The following MAGI2 variants were observed in gnomAD, a reference collection of about 807,000 sequenced individuals.
The protein encoded by MAGI2 is membrane associated guanylate kinase, WW and PDZ domain containing 2, also known as membrane-associated guanylate kinase, WW and PDZ domain-containing protein 2.
In MAGI2, 35 loss-of-function variants were observed where a neutral mutation model predicts 133.3. The observed-to-expected ratio is 0.26, with a 90% CI of 0.20 to 0.35. The LOEUF (loss-of-function observed/expected upper bound fraction) is 0.35. MAGI2 is among the 10% of genes least tolerant of loss of function. The pLI, the probability that MAGI2 is intolerant of heterozygous loss-of-function variation, is 1.00. For missense variants in MAGI2, 1,636 were observed against 1,863.4 expected, an observed-to-expected ratio of 0.88 and a Z score of 2.25; for synonymous variants, 729 against 710.6, an observed-to-expected ratio of 1.03 and a Z score of -0.41.
At chr7:78,088,331 C>T (rs1816840952) in intron 20 of MAGI2, among the ~76,000 whole-genome samples, 1 of 152,188 alleles carries the variant, frequency 6.6e-6, no homozygotes, top group African/African-American at 2.4e-5. Flanking sequence ...AGCACCTTCT[C>T]TCCTCTCTGA....
chr7:79,203,249 T>G (rs1828766529), intron 1 of MAGI2, among the ~76,000 whole-genome samples: 1 of 152,066 alleles, frequency 6.6e-6, no homozygotes, highest in Admixed American at 6.5e-5. Context: ...TTATTTGCAT[T>G]TATTTAATAA....
rs536065118 is a variant in MAGI2 at position 79,328,365 on chromosome 7, T to C, written c.301+124655A>G. On this transcript the variant is annotated intron_variant, in intron 1 of 21. Coordinates refer to ENST00000354212, the MANE Select transcript of MAGI2 (RefSeq NM_012301.4). ...TGTCAGTGGCCCAACCTTAGTGCTA[T>C]CAATGGTCAGAACCATCTTTGTCAC... Among the ~76,000 whole-genome samples, 43 of 152,252 alleles carry C rather than the reference T, an allele frequency of 2.8e-4. 1 individual carries two copies. In the South Asian group the frequency reaches 8.5e-3, roughly 30 times the overall value.
intron 1 of MAGI2, among the ~76,000 whole-genome samples, chr7:79,016,482 A>G (rs1205230205): frequency 1.3e-5 from 2 of 152,186 alleles, no homozygotes; most frequent in South Asian, 2.1e-4. Flanking sequence ...GGGTGCCCCA[A>G]TAGAGTGTCC....
chr7:79,199,376 T>C (rs368519121), intron 1 of MAGI2, among the ~76,000 whole-genome samples: 1 of 152,118 alleles, frequency 6.6e-6, no homozygotes, highest in East Asian at 1.9e-4. Context: ...TTGCTAAACG[T>C]TTAAGAATTG....
chr7:78,813,466 G>C (rs1410958508), intron 2 of MAGI2, among the ~76,000 whole-genome samples: 2 of 152,136 alleles, frequency 1.3e-5, no homozygotes, highest in Non-Finnish European at 2.9e-5. Flanking sequence ...ATATTCAACT[G>C]TACTCAATTT....
chr7:78,228,101 G>A (rs1789593851), intron 10 of MAGI2, among the ~76,000 whole-genome samples: 1 of 152,138 alleles, frequency 6.6e-6, no homozygotes, highest in African/African-American at 2.4e-5. Context: ...TATGGACATT[G>A]AAATTTGAAT....
At chr7:78,260,280 A>G (rs1340462684) in intron 9 of MAGI2, among the ~76,000 whole-genome samples, 1 of 152,212 alleles carries the variant, frequency 6.6e-6, no homozygotes, top group African/African-American at 2.4e-5. Flanking sequence ...AAATAAAAAT[A>G]TAAGACACCT....
intron 20 of MAGI2, among the ~76,000 whole-genome samples, chr7:78,108,383 G>A (rs1818908176): frequency 6.6e-6 from 1 of 152,098 alleles, no homozygotes; most frequent in Non-Finnish European, 1.5e-5. Flanking sequence ...GACTTGTTTT[G>A]TGGCCTAACA....
At chr7:78,466,833 A>G (rs1009191793) in intron 6 of MAGI2, among the ~76,000 whole-genome samples, 6 of 152,230 alleles carry the variant, frequency 3.9e-5, no homozygotes, top group Admixed American at 3.9e-4. Context: ...CACTCGGCAG[A>G]GAGTGGGATG....
intron 6 of MAGI2, among the ~76,000 whole-genome samples, chr7:78,396,784 T>C (rs1410472564): frequency 6.6e-6 from 1 of 152,136 alleles, no homozygotes; most frequent in African/African-American, 2.4e-5. Context: ...AAGAGGGTGA[T>C]GTGATGTCTG....
chr7:78,028,117 G>A (rs1053725405), intron 21 of MAGI2, among the ~76,000 whole-genome samples: 4 of 152,218 alleles, frequency 2.6e-5, no homozygotes, highest in Admixed American at 1.3e-4. Flanking sequence ...CATCACTAAG[G>A]TGATTGCTTT....
intron 2 of MAGI2, among the ~76,000 whole-genome samples, chr7:78,793,589 A>G (rs144227641): frequency 1.5e-3 from 232 of 152,320 alleles, no homozygotes; most frequent in African/African-American, 5.3e-3. Flanking sequence ...ATATAATCTT[A>G]CCATAATGAT....
chr7:79,130,314 T>C (rs1470505023), intron 1 of MAGI2, among the ~76,000 whole-genome samples: 1 of 152,172 alleles, frequency 6.6e-6, no homozygotes, highest in Non-Finnish European at 1.5e-5. Flanking sequence ...ACCCTGTCTC[T>C]AAAATAAGGA....
At chr7:79,072,958 A>G (rs777102476) in intron 1 of MAGI2, among the ~76,000 whole-genome samples, 16 of 152,184 alleles carry the variant, frequency 1.1e-4, no homozygotes, top group Non-Finnish European at 2.4e-4. Context: ...TCCCTAAATC[A>G]CAGTAGCACC....
In MAGI2 at chr7:79,020,893, C is replaced by T. The variant is rs371455181; in HGVS notation, c.302-13687G>A. 2.0e-4 allele frequency among the ~76,000 whole-genome samples: 31 copies of T among 152,274 alleles called. No homozygotes were observed. In the South Asian group the frequency reaches 6.0e-3, roughly 29 times the overall value. ...GCTCCTTCCATCACAGGCTCAGAGG[C>T]CTAGGAGGAAAAATGGTTTCATTGG... On this transcript the variant is annotated intron_variant, in intron 1 of 21. Transcript: ENST00000354212.
chr7:78,839,989 T>A (rs1791985003), intron 2 of MAGI2, among the ~76,000 whole-genome samples: 1 of 152,104 alleles, frequency 6.6e-6, no homozygotes, highest in Non-Finnish European at 1.5e-5. Flanking sequence ...GCTGCCATAA[T>A]TTTATAGGTC....
intron 6 of MAGI2, among the ~76,000 whole-genome samples, chr7:78,439,050 T>C (rs1787338389): frequency 6.6e-6 from 1 of 152,296 alleles, no homozygotes; most frequent in African/African-American, 2.4e-5. Flanking sequence ...TGGAAGCCCA[T>C]ACTGCCCTCT....
At chr7:79,121,069 T>C (rs1341689899) in intron 1 of MAGI2, among the ~76,000 whole-genome samples, 5 of 152,162 alleles carry the variant, frequency 3.3e-5, no homozygotes, top group African/African-American at 1.2e-4. Flanking sequence ...CCACATTTCT[T>C]CTATAACTTT....
chr7:79,441,556 T>C (rs62459010), intron 1 of MAGI2, among the ~76,000 whole-genome samples: 14,161 of 152,218 alleles, frequency 0.093, 725 homozygotes, highest in Middle Eastern at 0.15. Context: ...ATATGTATTT[T>C]GCACATTCCT....
Sources: allele counts gnomAD v4.1 joint callset (sites outside exome capture counted in the v4.1 genomes callset), GRCh38; gene constraint gnomAD v4.1.1; transcripts MANE v1.5; gene names NCBI Gene and HGNC (gene_info 2026-07-23, HGNC 2026-07-21).